Variants in TMEM178B observed in about 807,000 individuals in gnomAD.
The protein encoded by TMEM178B is transmembrane protein 178B.
In TMEM178B, 5 loss-of-function variants were observed where a neutral mutation model predicts 31.0. That is an observed-to-expected ratio of 0.16 (90% CI 0.08 to 0.34). The LOEUF (loss-of-function observed/expected upper bound fraction) is 0.34, where lower values mean the gene tolerates loss of function less well. TMEM178B is among the 10% of genes least tolerant of loss of function. The probability of loss-of-function intolerance (pLI) is 1.00; values close to 1 mark genes in which losing one functional copy is unlikely to be tolerated. For synonymous variants in TMEM178B, 164 were observed against 164.0 expected, an observed-to-expected ratio of 1.00 and a Z score of 0.00; for missense variants, 275 against 400.3, an observed-to-expected ratio of 0.69 and a Z score of 2.67.
chr7:141,284,198 G>C (rs545708152), intron 2 of TMEM178B, among the ~76,000 whole-genome samples: 1 of 152,212 alleles, frequency 6.6e-6, no homozygotes, highest in South Asian at 2.1e-4. Flanking sequence ...AACATGCCAC[G>C]CGATTCGGGA....
At chr7:141,082,262 T>C (rs913386417) in intron 1 of TMEM178B, among the ~76,000 whole-genome samples, 8 of 152,162 alleles carry the variant, frequency 5.3e-5, no homozygotes. Flanking sequence ...GTGGTAAAAC[T>C]AATATAGACT....
At chr7:141,395,562 T>C (rs530537255) in intron 2 of TMEM178B, among the ~76,000 whole-genome samples, 3 of 152,344 alleles carry the variant, frequency 2.0e-5, no homozygotes, top group South Asian at 4.1e-4. Flanking sequence ...GGTTACTCTC[T>C]TCTTAGGACA....
chr7:141,436,930 G>A lies in TMEM178B; in HGVS notation c.497-678G>A, dbSNP rs139703316. 8.2e-3 allele frequency among the ~76,000 whole-genome samples: 1,251 copies of A among 152,306 alleles called. 13 individuals are homozygous for A. The highest frequency in any genetic ancestry group is 0.013 in the Non-Finnish European group (852 of 68,008). On this transcript the variant is annotated intron_variant, in intron 2 of 3. Transcript: ENST00000565468. ...AGGAGATGGAGTAAGTGCAAGAAAG[G>A]GGTCTGCTCTGGAGCTTAGAGGAGA...
At chr7:141,077,456 C>A (rs189584583) in intron 1 of TMEM178B, among the ~76,000 whole-genome samples, 2 of 152,286 alleles carry the variant, frequency 1.3e-5, no homozygotes, top group African/African-American at 4.8e-5. Context: ...CAACATAAAA[C>A]CACATAATTA....
chr7:141,179,594 T>C (rs1303999143), intron 1 of TMEM178B, among the ~76,000 whole-genome samples: 2 of 152,250 alleles, frequency 1.3e-5, no homozygotes, highest in Non-Finnish European at 2.9e-5. Context: ...GTTCAAGTTC[T>C]ATTTGAAAAT....
chr7:141,446,031 G>T (rs1399570040), intron 3 of TMEM178B, among the ~76,000 whole-genome samples: 1 of 152,244 alleles, frequency 6.6e-6, no homozygotes, highest in Non-Finnish European at 1.5e-5. Context: ...AAACAAATCA[G>T]GGAGGGGGTA....
intron 2 of TMEM178B, among the ~76,000 whole-genome samples, chr7:141,397,664 A>G (rs1197001749): frequency 6.6e-6 from 1 of 152,222 alleles, no homozygotes; most frequent in Admixed American, 6.5e-5. Flanking sequence ...CCTATGTGAT[A>G]TGAGCAAATC....
chr7:141,458,936 T>A (rs1295283186), intron 3 of TMEM178B, among the ~76,000 whole-genome samples: 2 of 152,222 alleles, frequency 1.3e-5, no homozygotes, highest in Non-Finnish European at 2.9e-5. Context: ...AGCAATCACA[T>A]AACAATTTAA....
intron 1 of TMEM178B, among the ~76,000 whole-genome samples, chr7:141,206,959 T>A (rs1384778414): frequency 1.3e-5 from 2 of 152,234 alleles, no homozygotes; most frequent in African/African-American, 4.8e-5. Context: ...CTCCAGCCCC[T>A]GGCAACTACC....
At chr7:141,128,480 C>G (rs1279408149) in intron 1 of TMEM178B, among the ~76,000 whole-genome samples, 1 of 152,026 alleles carries the variant, frequency 6.6e-6, no homozygotes, top group Non-Finnish European at 1.5e-5. Context: ...AAAAATGCTT[C>G]TCTACAATGA....
intron 1 of TMEM178B, among the ~76,000 whole-genome samples, chr7:141,212,066 G>C (rs1797060062): frequency 6.6e-6 from 1 of 152,144 alleles, no homozygotes; most frequent in African/African-American, 2.4e-5. Context: ...CCTGAAAAGA[G>C]ACTAGTTCAA....
At position 141,451,984 on chromosome 7, in the gene TMEM178B, C is replaced by T. The variant is rs116790771; in HGVS notation, c.634+14239C>T. Among the ~76,000 whole-genome samples the T allele has an allele frequency of 3.0e-3, 460 of 152,308 alleles. 3 individuals are homozygous for T. The highest frequency in any genetic ancestry group is 0.01 in the African/African-American group (423 of 41,566). ...CTAGGGTTGACCTAGCTCCATCTTT[C>T]GTGAAACTCTCATCTCTTGTCTTCT... On this transcript the variant is annotated intron_variant, in intron 3 of 3. Transcript: ENST00000565468.
intron 2 of TMEM178B, among the ~76,000 whole-genome samples, chr7:141,388,134 T>G (rs1048173585): frequency 5.9e-5 from 9 of 152,162 alleles, no homozygotes; most frequent in Non-Finnish European, 1.3e-4. Context: ...ATAGTATTAT[T>G]TCAGCTTGAG....
At chr7:141,281,312 A>AT (rs11436194) in intron 2 of TMEM178B, among the ~76,000 whole-genome samples, 16,289 of 150,920 alleles carry the variant, frequency 0.11, 1,210 homozygotes, top group African/African-American at 0.2. Context: ...CACAAGATAG[A>AT]TTTTTTTTTT....
intron 2 of TMEM178B, among the ~76,000 whole-genome samples, chr7:141,308,353 A>G (rs1226373106): frequency 3.9e-5 from 6 of 152,272 alleles, no homozygotes; most frequent in Non-Finnish European, 8.8e-5. Flanking sequence ...TGTGTTGTAC[A>G]TTTTTCACCT....
chr7:141,432,645 G>GT (rs1801457663), intron 2 of TMEM178B, among the ~76,000 whole-genome samples: 1 of 152,012 alleles, frequency 6.6e-6, no homozygotes, highest in East Asian at 1.9e-4. Context: ...ATAGTATTCT[G>GT]TTTTTGTTTC....
At chr7:141,404,911 C>T (rs1282836195) in intron 2 of TMEM178B, among the ~76,000 whole-genome samples, 1 of 152,332 alleles carries the variant, frequency 6.6e-6, no homozygotes, top group South Asian at 2.1e-4. Flanking sequence ...GAACAACCCT[C>T]TGACCAGCAC....
intron 3 of TMEM178B, among the ~76,000 whole-genome samples, chr7:141,462,381 G>A (rs911233322): frequency 6.6e-6 from 1 of 152,140 alleles, no homozygotes; most frequent in Non-Finnish European, 1.5e-5. Context: ...CCCTGGGGAT[G>A]GGGTGTAGAA....
intron 1 of TMEM178B, among the ~76,000 whole-genome samples, chr7:141,204,184 A>C (rs758197078): frequency 6.6e-6 from 1 of 152,204 alleles, no homozygotes; most frequent in Non-Finnish European, 1.5e-5. Flanking sequence ...AGGAGCTGGA[A>C]GCGTGAGACT....
Sources: allele counts gnomAD v4.1 joint callset (sites outside exome capture counted in the v4.1 genomes callset), GRCh38; gene constraint gnomAD v4.1.1; transcripts MANE v1.5; gene names NCBI Gene and HGNC (gene_info 2026-07-23, HGNC 2026-07-21).